Variants in COBLL1 observed in about 807,000 individuals in gnomAD.
COBLL1 encodes the protein cordon-bleu WH2 repeat protein like 1.
In COBLL1, 50 loss-of-function variants were observed where a neutral mutation model predicts 94.8. The ratio of observed to expected loss-of-function variants is 0.53; its 90% CI spans 0.42 to 0.67. The LOEUF (loss-of-function observed/expected upper bound fraction) is 0.67, where lower values mean the gene tolerates loss of function less well. Ranked by LOEUF, COBLL1 falls within the 30% of genes least tolerant of loss-of-function variation. The pLI is 0.00. For synonymous variants in COBLL1, 448 were observed against 473.8 expected (o/e 0.95, Z 0.71); for missense variants, 1,362 against 1,348.7 (o/e 1.01, Z -0.15).
At chr2:164,794,887 CACA>C (rs1453509030) in intron 2 of COBLL1, among the ~76,000 whole-genome samples, 10 of 152,174 alleles carry the variant, frequency 6.6e-5, no homozygotes, top group East Asian at 1.9e-4. Context: ...CTTTGCCCCA[CACA>C]ACAAGTGCTA....
At chr2:164,725,682 G>T (rs1382059570) in intron 5 of COBLL1, among the ~76,000 whole-genome samples, 3 of 152,154 alleles carry the variant, frequency 2.0e-5, no homozygotes, top group Non-Finnish European at 4.4e-5. Context: ...ACCTCCCAAA[G>T]TGTTGGAATG....
chr2:164,746,228 C>CTGGT (rs1686850786), intron 2 of COBLL1, among the ~76,000 whole-genome samples: 1 of 152,156 alleles, frequency 6.6e-6, no homozygotes, highest in Non-Finnish European at 1.5e-5. Context: ...AAGCTGCCAA[C>CTGGT]TGGTGTCCCT....
intron 3 of COBLL1, among the ~76,000 whole-genome samples, chr2:164,741,844 CAT>C (rs1237257274): frequency 2.0e-5 from 3 of 152,002 alleles, no homozygotes; most frequent in African/African-American, 7.2e-5. Context: ...AAAATTTAGA[CAT>C]GAAGAAAATT....
chr2:164,828,662 C>T (rs572502282), intron 2 of COBLL1, among the ~76,000 whole-genome samples: 16 of 152,202 alleles, frequency 1.1e-4, no homozygotes, highest in Non-Finnish European at 1.9e-4. Flanking sequence ...CCACTACACA[C>T]ATCAGGCTCT....
chr2:164,732,110 C>T (rs988369326), intron 3 of COBLL1, among the ~76,000 whole-genome samples: 3 of 152,130 alleles, frequency 2.0e-5, no homozygotes, highest in African/African-American at 7.2e-5. Flanking sequence ...CACATCCCTT[C>T]TCCCCCACAT....
chr2:164,757,275 A>G (rs1268723767), intron 2 of COBLL1, among the ~76,000 whole-genome samples: 1 of 152,208 alleles, frequency 6.6e-6, no homozygotes, highest in Non-Finnish European at 1.5e-5. Context: ...ACATTTATGT[A>G]AATAAATGTT....
intron 13 of COBLL1, among the ~76,000 whole-genome samples, chr2:164,691,103 C>G (rs1441335009): frequency 6.6e-6 from 1 of 152,128 alleles, no homozygotes; most frequent in Non-Finnish European, 1.5e-5. Flanking sequence ...CCTGACAGCA[C>G]CCAGTATTCT....
rs760401338 is a variant in COBLL1 at position 164,700,753 on chromosome 2, C to A, written c.1229G>T (p.Gly410Val). Reference protein sequence around the residue: ...NSPEELSSPAGISSDYSLEEI... With the variant: ...NSPEELSSPAVISSDYSLEEI... ...TTCAAGGCTATAATCAGAGCTTATTCCAGCTACAAAGAAATGCAGATATAA... is the reference window on the plus strand; with the variant it reads ...TTCAAGGCTATAATCAGAGCTTATTACAGCTACAAAGAAATGCAGATATAA... Residue 410 changes from glycine to valine, a missense_variant, in exon 10 of 14, where the codon GGA becomes GTA. Coordinates refer to ENST00000652658, the MANE Select transcript of COBLL1 (RefSeq NM_001365672.2). 4 of 1,573,094 alleles carry A rather than the reference C, an allele frequency of 2.5e-6. No individual in the cohort carries two copies. Among genetic ancestry groups the A allele is most frequent in the East Asian group, 4.5e-5 (2 of 44,612 alleles).
chr2:164,697,170 T>G (rs886121484), intron 11 of COBLL1: 7 of 152,278 alleles, frequency 4.6e-5, no homozygotes, highest in African/African-American at 1.7e-4. Flanking sequence ...ATTGCACAGT[T>G]ATTTGGTTGT....
At position 164,800,701 on chromosome 2, in the gene COBLL1, C is replaced by G. The variant is rs190620919; in HGVS notation, c.41+40455G>C. ...ATAAAGAAACTGCAGTACATCCATA[C>G]TACAAAATACTACACTTAGCTATAA... is the stretch of plus-strand genomic sequence containing the variant. On this transcript the variant is annotated intron_variant, in intron 2 of 13. Coordinates refer to ENST00000652658, the MANE Select transcript of COBLL1 (RefSeq NM_001365672.2). The G allele has an allele frequency of 3.6e-5, 22 of 605,770 alleles. No homozygotes were observed. In the East Asian group the frequency reaches 5.0e-4, roughly 14 times the overall value. 37.5% of individuals were successfully genotyped at this position (605,770 alleles called of 1,614,324 possible).
intron 2 of COBLL1, among the ~76,000 whole-genome samples, chr2:164,755,509 T>C (rs1231064584): frequency 6.6e-6 from 1 of 152,184 alleles, no homozygotes; most frequent in East Asian, 1.9e-4. Context: ...CCCCTTTTAC[T>C]ACTTTTAAGG....
At chr2:164,703,350 G>A (rs1684417734) in intron 9 of COBLL1, 1 of 619,228 alleles carries the variant, frequency 1.6e-6, no homozygotes, top group Non-Finnish European at 2.8e-6. Context: ...ATAAGAAGAG[G>A]TAAAAGGAAA....
chr2:164,733,148 T>C (rs993696007), intron 3 of COBLL1, among the ~76,000 whole-genome samples: 6 of 152,262 alleles, frequency 3.9e-5, no homozygotes, highest in African/African-American at 1.4e-4. Context: ...TCATCGTTTA[T>C]GTATAAACAT....
rs376517396 is a variant in COBLL1 at position 164,765,596 on chromosome 2, A to G, written c.42-21721T>C. 7.2e-5 allele frequency among the ~76,000 whole-genome samples: 11 copies of G among 152,314 alleles called. No individual in the cohort carries two copies. The East Asian group carries it at 1.9e-3, about 27-fold the overall frequency. ...AAAGGGAAAAAGTGGAGAAAGCTAA[A>G]GCAAAATTGGCAAAGCGTTTGTGAC... On this transcript the variant is annotated intron_variant, in intron 2 of 13. Transcript: ENST00000652658.
chr2:164,835,874 T>G (rs572972124), intron 2 of COBLL1, among the ~76,000 whole-genome samples: 1 of 152,308 alleles, frequency 6.6e-6, no homozygotes, highest in South Asian at 2.1e-4. Flanking sequence ...GTGAAGTTCT[T>G]AAGATTAGAA....
intron 2 of COBLL1, among the ~76,000 whole-genome samples, chr2:164,833,736 C>T (rs1388931445): frequency 6.6e-6 from 1 of 152,192 alleles, no homozygotes; most frequent in Non-Finnish European, 1.5e-5. Context: ...AGGCGTAAGC[C>T]ACCGCGCCAG....
intron 2 of COBLL1, among the ~76,000 whole-genome samples, chr2:164,748,123 G>C (rs1574513393): frequency 6.6e-6 from 1 of 152,258 alleles, no homozygotes; most frequent in East Asian, 1.9e-4. Flanking sequence ...AGCAGAGCCT[G>C]TAGGGTCAAT....
At chr2:164,725,828 G>T (rs1685700162) in intron 5 of COBLL1, among the ~76,000 whole-genome samples, 2 of 152,158 alleles carry the variant, frequency 1.3e-5, no homozygotes, top group African/African-American at 4.8e-5. Context: ...AGCAAGTCAG[G>T]TTAAACAGTA....
intron 2 of COBLL1, among the ~76,000 whole-genome samples, chr2:164,760,488 CAT>C (rs1687626225): frequency 6.6e-6 from 1 of 152,144 alleles, no homozygotes; most frequent in South Asian, 2.1e-4. Flanking sequence ...TAAATCTACA[CAT>C]GTGGCAAAGT....
Sources: allele counts gnomAD v4.1 joint callset (sites outside exome capture counted in the v4.1 genomes callset), GRCh38; gene constraint gnomAD v4.1.1; transcripts MANE v1.5; gene names NCBI Gene and HGNC (gene_info 2026-07-23, HGNC 2026-07-21).